DNAJC10: variants seen among roughly 807,000 people sequenced by gnomAD.
The protein encoded by DNAJC10 is DnaJ heat shock protein family (Hsp40) member C10, also known as endoplasmic reticulum disulfide reductase DNAJC10.
A neutral mutation model predicts 115.0 loss-of-function variants in DNAJC10; 101 were observed. That is an observed-to-expected ratio of 0.88 (90% CI 0.75 to 1.04). The LOEUF (loss-of-function observed/expected upper bound fraction) is 1.04. Ranked by LOEUF, DNAJC10 falls within the 50% of genes least tolerant of loss-of-function variation. The pLI is 0.00. For missense variants in DNAJC10, 981 were observed against 928.8 expected, an observed-to-expected ratio of 1.06 and a Z score of -0.73; for synonymous variants, 307 against 301.5, an observed-to-expected ratio of 1.02 and a Z score of -0.19.
At chr2:182,720,516 T>G (rs1361028444) in intron 4 of DNAJC10, among the ~76,000 whole-genome samples, 1 of 152,188 alleles carries the variant, frequency 6.6e-6, no homozygotes, top group African/African-American at 2.4e-5. Context: ...ACTGTACCTT[T>G]TCTATATTTA....
intron 19 of DNAJC10, among the ~76,000 whole-genome samples, chr2:182,758,542 G>T (rs575745548): frequency 1.3e-5 from 2 of 152,228 alleles, no homozygotes; most frequent in African/African-American, 4.8e-5. Context: ...TAAAGATTCA[G>T]AAACTAAAAC....
intron 15 of DNAJC10, 73 bp from the exon 16 acceptor site, chr2:182,751,999 C>G: frequency 3.8e-6 from 5 of 1,300,272 alleles, no homozygotes; most frequent in Non-Finnish European, 5.5e-6. Flanking sequence ...TAGCATATTA[C>G]TTGTTGCAGA....
rs1694729393 is a variant in DNAJC10 at position 182,777,237 on chromosome 2, C to T, written c.*105C>T. 1 of 702,242 alleles carries T rather than the reference C, an allele frequency of 1.4e-6. No homozygotes were observed. The highest frequency in any genetic ancestry group is 1.8e-5 in the African/African-American group (1 of 54,678). The allele number at this position is 702,242 out of a possible 1,614,324, so 43.5% of individuals were successfully genotyped here. A position where few individuals can be genotyped will look rare whatever the true frequency, so the allele number is the denominator to read the frequency against. ...TATGATGGGAATGAATGAACATTAT[C>T]TTAGACTTGCAGTTGTACTGCCAGA... On this transcript the variant is annotated 3_prime_UTR_variant, in exon 24 of 24. Coordinates refer to ENST00000264065, the MANE Select transcript of DNAJC10 (RefSeq NM_018981.4).
chr2:182,732,021 T>C (rs1693460057), intron 9 of DNAJC10, among the ~76,000 whole-genome samples: 1 of 152,168 alleles, frequency 6.6e-6, no homozygotes, highest in South Asian at 2.1e-4. Flanking sequence ...CTCTCTTTCT[T>C]CTAAATCTTC....
intron 14 of DNAJC10, among the ~76,000 whole-genome samples, chr2:182,745,698 T>A (rs532531800): frequency 3.2e-4 from 48 of 152,180 alleles, no homozygotes; most frequent in Middle Eastern, 3.4e-3. Context: ...TTTTATTTTT[T>A]TTTTTTATGG....
intron 14 of DNAJC10, among the ~76,000 whole-genome samples, chr2:182,748,619 CT>C (rs1693934856): frequency 6.6e-6 from 1 of 152,086 alleles, no homozygotes; most frequent in African/African-American, 2.4e-5. Flanking sequence ...ATTCTTCTCT[CT>C]TTTTTTCCTT....
At chr2:182,772,958 G>A (rs1694606618) in intron 22 of DNAJC10, among the ~76,000 whole-genome samples, 1 of 152,218 alleles carries the variant, frequency 6.6e-6, no homozygotes, top group Non-Finnish European at 1.5e-5. Context: ...CATTTGGCAT[G>A]TTTTTGCAAT....
Position 182,764,657 on chromosome 2 carries a change from G to A in DNAJC10, c.2265+1856G>A, listed in dbSNP as rs189562171. Among the ~76,000 whole-genome samples, 146 of 152,150 alleles carry A rather than the reference G, an allele frequency of 9.6e-4. 1 individual carries two copies. The highest frequency in any genetic ancestry group is 3.3e-3 in the African/African-American group (135 of 41,520). On this transcript the variant is annotated intron_variant, in intron 22 of 23. Transcript: ENST00000264065. ...TGCTCTATGTTAGGAACACCTTGCC[G>A]AAACAAAAGTATATAAGGGTGCATA... is the stretch of plus-strand genomic sequence containing the variant.
chr2:182,777,068 A>G (rs966624803), intron 23 of DNAJC10, 53 bp from the exon 24 acceptor site: 12 of 1,222,952 alleles, frequency 9.8e-6, no homozygotes, highest in Non-Finnish European at 1.2e-5. Context: ...TATTTTTAAC[A>G]TTACCAACTC....
chr2:182,794,413 A>G lies in DNAJC10; in HGVS notation c.*17281A>G, dbSNP rs950068798. 5.3e-5 allele frequency: 8 copies of G among 152,206 alleles called. No homozygotes were observed. The highest frequency in any genetic ancestry group is 7.3e-5 in the Non-Finnish European group (5 of 68,048). The allele number at this position is 152,206 out of a possible 1,614,324, so 9.4% of individuals were successfully genotyped here. A position where few individuals can be genotyped will look rare whatever the true frequency, so the allele number is the denominator to read the frequency against. ...CTACTGTTTGTCTTTGCAGTGAGCTATGTTTTTTTATAACATGTAGAAGTG... is the reference window on the plus strand; with the variant it reads ...CTACTGTTTGTCTTTGCAGTGAGCTGTGTTTTTTTATAACATGTAGAAGTG... On this transcript the variant is annotated 3_prime_UTR_variant, in exon 24 of 24. Transcript: ENST00000264065.
intron 22 of DNAJC10, among the ~76,000 whole-genome samples, chr2:182,769,825 T>G (rs545727786): frequency 6.6e-6 from 1 of 152,226 alleles, no homozygotes; most frequent in South Asian, 2.1e-4. Flanking sequence ...TTAGTTTAAT[T>G]AGATCCCATT....
At chr2:182,748,520 A>C (rs887291000) in intron 14 of DNAJC10, among the ~76,000 whole-genome samples, 1 of 152,114 alleles carries the variant, frequency 6.6e-6, no homozygotes, top group Non-Finnish European at 1.5e-5. Context: ...ATTTGCGTAG[A>C]GGTGTTTGTA....
At chr2:182,761,227 A>G (rs1694277519) in intron 21 of DNAJC10, among the ~76,000 whole-genome samples, 1 of 152,204 alleles carries the variant, frequency 6.6e-6, no homozygotes, top group Admixed American at 6.6e-5. Context: ...GAACAGGGGT[A>G]GAAGGGTGTC....
chr2:182,747,833 T>C (rs1434069781), intron 14 of DNAJC10, among the ~76,000 whole-genome samples: 11 of 149,112 alleles, frequency 7.4e-5, no homozygotes, highest in Non-Finnish European at 1.0e-4. Context: ...TGCTTCCAGT[T>C]TTTGCCCATT....
intron 22 of DNAJC10, among the ~76,000 whole-genome samples, chr2:182,771,190 C>A (rs1694552977): frequency 6.6e-6 from 1 of 152,118 alleles, no homozygotes; most frequent in Non-Finnish European, 1.5e-5. Context: ...TTTTGATGTG[C>A]TGCTGGATTC....
At chr2:182,730,524 A>G (rs949640401) in intron 8 of DNAJC10, 8 of 451,482 alleles carry the variant, frequency 1.8e-5, no homozygotes, top group South Asian at 3.1e-5. Flanking sequence ...TATAGGTACT[A>G]TTATTATAGA....
intron 5 of DNAJC10, 50 bp downstream of exon 5, chr2:182,722,125 A>C (rs201531586): frequency 1.6e-6 from 2 of 1,286,494 alleles, no homozygotes; most frequent in East Asian, 2.4e-5. Context: ...GTTCGATCTC[A>C]TCTAAAACTC....
chr2:182,737,084 C>G (rs1392614399), intron 11 of DNAJC10, among the ~76,000 whole-genome samples: 1 of 152,162 alleles, frequency 6.6e-6, no homozygotes, highest in Non-Finnish European at 1.5e-5. Context: ...AAATATAGAT[C>G]AGTGGTAGTT....
At chr2:182,769,509 A>T (rs1165420985) in intron 22 of DNAJC10, among the ~76,000 whole-genome samples, 1 of 152,136 alleles carries the variant, frequency 6.6e-6, no homozygotes. Context: ...CTTTTTAATG[A>T]TCGCCATTCT....
Sources: gnomAD v4.1 joint callset for allele counts (sites outside exome capture counted in the v4.1 genomes callset) on GRCh38, gnomAD v4.1.1 for gene constraint, MANE v1.5 for transcripts, NCBI Gene and HGNC (gene_info 2026-07-23, HGNC 2026-07-21) for gene names.